Variants in MAP2 observed in about 807,000 individuals in gnomAD.
MAP2 encodes microtubule associated protein 2.
A neutral mutation model predicts 137.6 loss-of-function variants in MAP2; 14 were observed. The observed-to-expected ratio is 0.10, with a 90% confidence interval of 0.07 to 0.16. The LOEUF (loss-of-function observed/expected upper bound fraction) is 0.16. MAP2 is among the 10% of genes least tolerant of loss of function. The pLI is 1.00. For missense variants in MAP2, 2,088 were observed against 2,191.5 expected, an observed-to-expected ratio of 0.95 and a Z score of 0.94; for synonymous variants, 786 against 782.3, an observed-to-expected ratio of 1.00 and a Z score of -0.08.
At chr2:209,592,939 A>G (rs552007694) in intron 3 of MAP2, among the ~76,000 whole-genome samples, 136 of 152,190 alleles carry the variant, frequency 8.9e-4, no homozygotes, top group African/African-American at 2.6e-3. Context: ...CAAATATTTT[A>G]AGACATTTTT....
At chr2:209,615,738 T>A (rs538510545) in intron 3 of MAP2, among the ~76,000 whole-genome samples, 131 of 152,308 alleles carry the variant, frequency 8.6e-4, no homozygotes, top group African/African-American at 2.4e-3. Context: ...CCAAGCTACA[T>A]GTTAAATCCT....
chr2:209,480,113 A>C (rs1303746668), intron 1 of MAP2, among the ~76,000 whole-genome samples: 1 of 152,180 alleles, frequency 6.6e-6, no homozygotes, highest in Non-Finnish European at 1.5e-5. Flanking sequence ...CTAAATATGC[A>C]CATTGACTAA....
chr2:209,577,885 T>C (rs2075603670), intron 2 of MAP2, among the ~76,000 whole-genome samples: 1 of 152,160 alleles, frequency 6.6e-6, no homozygotes, highest in South Asian at 2.1e-4. Context: ...AGTGACATAA[T>C]TACCCCAGAT....
chr2:209,468,317 CTT>C (rs11450792), intron 1 of MAP2, among the ~76,000 whole-genome samples: 3 of 88,510 alleles, frequency 3.4e-5, no homozygotes, highest in African/African-American at 1.4e-4. Flanking sequence ...TTTAGTGTTT[CTT>C]TTTTTTTTTT....
intron 12 of MAP2, among the ~76,000 whole-genome samples, chr2:209,707,173 A>T (rs1469740498): frequency 6.6e-6 from 1 of 152,194 alleles, no homozygotes; most frequent in East Asian, 1.9e-4. Context: ...CTTTCTCCAT[A>T]AATCCACTTC....
chr2:209,677,403 T>TAGACAGAC lies in MAP2; in HGVS notation c.263-1137_263-1130dup, dbSNP rs71395564. Among the ~76,000 whole-genome samples, 1,174 of 146,428 alleles carry TAGACAGAC rather than the reference T, an allele frequency of 8.0e-3. 2 individuals carry two copies. The highest frequency in any genetic ancestry group is 0.01 in the Non-Finnish European group (698 of 66,514). ...ATGATAGATTAGATAGATAGATAGATAGACAGACAGACAGACAGACAGACA... is the reference window on the plus strand; with the variant it reads ...ATGATAGATTAGATAGATAGATAGATAGACAGACAGACAGACAGACAGACAGACAGACA... On this transcript the variant is annotated intron_variant, in intron 5 of 15. Coordinates refer to ENST00000682079, the MANE Select transcript of MAP2 (RefSeq NM_001375505.1).
intron 1 of MAP2, among the ~76,000 whole-genome samples, chr2:209,435,698 G>T (rs1695754407): frequency 6.6e-6 from 1 of 151,360 alleles, no homozygotes; most frequent in Non-Finnish European, 1.5e-5. Context: ...TCTACATATG[G>T]TGTAGCATAG....
Position 209,692,953 on chromosome 2 carries a change from A to G in MAP2, c.783A>G (p.Glu261=). 1.9e-6 allele frequency: 3 copies of G among 1,614,108 alleles called. No individual in the cohort carries two copies. The highest frequency in any genetic ancestry group is 1.1e-5 in the South Asian group (1 of 91,080). The change falls in exon 8 of 16, where the codon GAA becomes GAG. Residue 261 remains glutamate, a synonymous_variant. Transcript: ENST00000682079. ...CTAAAGAGCCTCCAACTCCAAAAGA[A>G]CAAAAGGACTGGTTCATCGAAATGC... ...DLPKEPPTPK[E]QKDWFIEMPT... is the part of the protein sequence containing the mutation.
At chr2:209,669,512 G>A (rs1450681734) in intron 5 of MAP2, among the ~76,000 whole-genome samples, 1 of 152,058 alleles carries the variant, frequency 6.6e-6, no homozygotes, top group Non-Finnish European at 1.5e-5. Flanking sequence ...GAGGTAACTA[G>A]TAAAGACTAT....
intron 2 of MAP2, among the ~76,000 whole-genome samples, chr2:209,576,437 A>T (rs2075386946): frequency 6.6e-6 from 1 of 150,956 alleles, no homozygotes; most frequent in South Asian, 2.1e-4. Context: ...TTTAGTAGAG[A>T]TGGGGTTTCA....
At chr2:209,631,629 T>C (rs1415403263) in intron 4 of MAP2, among the ~76,000 whole-genome samples, 1 of 151,990 alleles carries the variant, frequency 6.6e-6, no homozygotes, top group Admixed American at 6.6e-5. Flanking sequence ...ATAATCTAAC[T>C]GCAGCATAAT....
chr2:209,552,228 C>CT lies in MAP2; in HGVS notation c.-171-27799dup, dbSNP rs34006754. ...TTATAGAAAGACTTAGCCTTTTAAA[C>CT]TTTTTTTTTGTTGTTATTTACTGTA... On this transcript the variant is annotated intron_variant, in intron 2 of 15. Transcript: ENST00000682079. 9.1e-4 allele frequency among the ~76,000 whole-genome samples: 138 copies of CT among 151,302 alleles called. 2 individuals are homozygous for CT. The East Asian group carries it at 0.025, about 27-fold the overall frequency.
chr2:209,542,212 T>A (rs2067179184), intron 2 of MAP2, among the ~76,000 whole-genome samples: 2 of 152,254 alleles, frequency 1.3e-5, no homozygotes, highest in Non-Finnish European at 2.9e-5. Flanking sequence ...CAATGAGCAG[T>A]AACCTTTTAA....
intron 7 of MAP2, among the ~76,000 whole-genome samples, chr2:209,688,020 A>G (rs557605428): frequency 7.2e-5 from 11 of 152,218 alleles, no homozygotes; most frequent in African/African-American, 1.9e-4. Context: ...TTGACCACCT[A>G]CATCATGTTA....
intron 5 of MAP2, among the ~76,000 whole-genome samples, chr2:209,656,578 G>T (rs2095163651): frequency 6.6e-6 from 1 of 151,780 alleles, no homozygotes; most frequent in Admixed American, 6.6e-5. Context: ...TCCATAAAAA[G>T]AATTATTTGC....
chr2:209,577,321 G>T (rs2075514719), intron 2 of MAP2, among the ~76,000 whole-genome samples: 2 of 151,766 alleles, frequency 1.3e-5, no homozygotes, highest in African/African-American at 4.8e-5. Context: ...TTCAAAATGT[G>T]ATTTATTCAT....
intron 2 of MAP2, among the ~76,000 whole-genome samples, chr2:209,549,896 T>G (rs930135757): frequency 1.3e-5 from 2 of 152,222 alleles, no homozygotes; most frequent in African/African-American, 4.8e-5. Context: ...TTTCTCACCC[T>G]CTGGGAACTA....
At chr2:209,511,246 TG>T (rs2061682629) in intron 2 of MAP2, among the ~76,000 whole-genome samples, 1 of 152,186 alleles carries the variant, frequency 6.6e-6, no homozygotes, top group Non-Finnish European at 1.5e-5. Flanking sequence ...GTTGCTATTT[TG>T]TATCCGTTTC....
At chr2:209,523,339 T>C (rs2063551103) in intron 2 of MAP2, among the ~76,000 whole-genome samples, 1 of 152,190 alleles carries the variant, frequency 6.6e-6, no homozygotes, top group African/African-American at 2.4e-5. Flanking sequence ...TTCTGGAACT[T>C]AGTGCGTTGC....
Sources: allele counts gnomAD v4.1 joint callset (sites outside exome capture counted in the v4.1 genomes callset), GRCh38; gene constraint gnomAD v4.1.1; transcripts MANE v1.5; gene names NCBI Gene and HGNC (gene_info 2026-07-23, HGNC 2026-07-21).